The following CPOX variants were observed in gnomAD, a reference collection of about 807,000 sequenced individuals.
The protein encoded by CPOX is coproporphyrinogen oxidase, also known as oxygen-dependent coproporphyrinogen-III oxidase, mitochondrial.
In CPOX, 24 loss-of-function variants were observed where a neutral mutation model predicts 48.9. The observed-to-expected ratio is 0.49, with a 90% CI of 0.36 to 0.69. The LOEUF is 0.69. Ranked by LOEUF, CPOX falls within the 30% of genes least tolerant of loss-of-function variation. The pLI, the probability that CPOX is intolerant of heterozygous loss-of-function variation, is 0.00. For missense variants in CPOX, 549 were observed against 597.3 expected, an observed-to-expected ratio of 0.92 and a Z score of 0.84; for synonymous variants, 249 against 234.6, an observed-to-expected ratio of 1.06 and a Z score of -0.56.
intron 1 of CPOX, among the ~76,000 whole-genome samples, 198 bp downstream of exon 1, chr3:98,592,751 G>A (rs1222577597): frequency 6.6e-6 from 1 of 151,992 alleles, no homozygotes; most frequent in African/African-American, 2.4e-5. Flanking sequence ...AGCTGATCCG[G>A]GTCCATACCT....
chr3:98,570,786 T>C, the CPOX span, among the ~76,000 whole-genome samples: 1 of 152,230 alleles, frequency 6.6e-6, no homozygotes, highest in East Asian at 1.9e-4. Flanking sequence ...TGTAGAACAC[T>C]ACTAAGAACT....
rs60690253 is a variant in CPOX, at chr3:98,593,472, G to A, written c.33C>T (p.Gly11=). MALQLGRLSS[G]PCWLVARGGC... is the part of the protein sequence containing the mutation. Reference sequence around the variant, plus strand: ...CGCCCCGCGCCACGAGCCAGCAGGGGCCCGAGCTCAGCCTGCCCAGCTGCA... The same window carrying A: ...CGCCCCGCGCCACGAGCCAGCAGGGACCCGAGCTCAGCCTGCCCAGCTGCA... The change falls in exon 1 of 7, where the codon GGC becomes GGT. Residue 11 remains glycine, a synonymous_variant. Transcript: ENST00000647941. The A allele has an allele frequency of 0.021, 31,480 of 1,513,478 alleles. 1,195 individuals are homozygous for A. The highest frequency in any genetic ancestry group is 0.16 in the African/African-American group (11,504 of 70,870). 93.8% of individuals were successfully genotyped at this position (1,513,478 alleles called of 1,614,324 possible). A position where few individuals can be genotyped will look rare whatever the true frequency, so the allele number is the denominator to read the frequency against.
chr3:98,587,494 C>T (rs1707386028), intron 4 of CPOX, among the ~76,000 whole-genome samples: 3 of 148,540 alleles, frequency 2.0e-5, no homozygotes, highest in Admixed American at 1.4e-4. Context: ...AGTGTTCTTG[C>T]CGGTGGGGTC....
Position 98,580,736 on chromosome 3 carries a change from T to C in CPOX, c.1312A>G (p.Lys438Glu), listed in dbSNP as rs769371567. The C allele has an allele frequency of 3.1e-6, 5 of 1,614,088 alleles. No individual in the cohort carries two copies. The African/African-American group carries it at 6.7e-5, about 22-fold the overall frequency. The change falls in exon 7 of 7, where the codon AAA (lysine) becomes GAA (glutamate). Residue 438 changes from lysine to glutamate, a missense_variant. Lys to Glu is a moderately conservative substitution (Grantham distance 56, BLOSUM62 1). This residue lies in a region of CPOX where 213 missense variants were observed against 279.1 expected (regional missense o/e 0.76). Transcript: ENST00000647941. Reference protein sequence around the residue: ...EYMHSPSENSKEAEILEVLRH... With the variant: ...EYMHSPSENSEEAEILEVLRH... ...AGAACTTCCAGAATTTCAGCTTCTT[T>C]GGAATTCTCTGAGGGTGAATGCATG...
In CPOX at chr3:98,585,464, C is replaced by T. The variant is rs533745033; in HGVS notation, c.1149G>A (p.Leu383=). ...CDDSFTPQEK[L]WQQLRRGRYV... is the part of the protein sequence containing the mutation. Reference sequence around the variant, plus strand: ...ACCGTCCTCTTCTGAGCTGCTGCCACAGCTTCTCCTGGGGGGTGAATGAGT... The same window carrying T: ...ACCGTCCTCTTCTGAGCTGCTGCCATAGCTTCTCCTGGGGGGTGAATGAGT... Residue 383 remains leucine (L), a synonymous_variant, in exon 5 of 7, where the codon CTG becomes CTA. Transcript: ENST00000647941. The T allele has an allele frequency of 7.6e-5, 122 of 1,614,062 alleles. 1 individual carries two copies. In the South Asian group the frequency reaches 1.2e-3, roughly 16 times the overall value.
chr3:98,590,952 C>G, intron 2 of CPOX, 60 bp downstream of exon 2: 1 of 1,588,558 alleles, frequency 6.3e-7, no homozygotes, highest in Non-Finnish European at 8.6e-7. Context: ...ATAAATAAAA[C>G]TTGTGGGCAA....
rs2107110640 is a variant in CPOX, at chr3:98,579,507, T to C, written c.*1176A>G. On this transcript the variant is annotated 3_prime_UTR_variant, in exon 7 of 7. Transcript: ENST00000647941. ...TCTTGTAAGACAGTTGAAGAATTCA[T>C]ACATTTTCCAGCCCCAAAAAGGCCA... 3.1e-6 allele frequency: 3 copies of C among 975,934 alleles called. No individual in the cohort carries two copies. Among genetic ancestry groups the C allele is most frequent in the Non-Finnish European group, 3.7e-6 (3 of 821,306 alleles). The allele number at this position is 975,934 out of a possible 1,614,324, so 60.5% of individuals were successfully genotyped here. A position where few individuals can be genotyped will look rare whatever the true frequency, so the allele number is the denominator to read the frequency against.
chr3:98,582,609 A>G (rs1001753076), intron 5 of CPOX, among the ~76,000 whole-genome samples: 2 of 151,482 alleles, frequency 1.3e-5, no homozygotes, highest in African/African-American at 4.9e-5. Context: ...TTCCTGCCTC[A>G]GTCTCCCGAG....
intron 5 of CPOX, among the ~76,000 whole-genome samples, chr3:98,582,887 C>A (rs1446989201): frequency 6.6e-6 from 1 of 152,204 alleles, no homozygotes; most frequent in African/African-American, 2.4e-5. Flanking sequence ...CCCTTTCTAA[C>A]TCTCACCATT....
In CPOX at chr3:98,581,502, T is replaced by G; in HGVS notation, c.1182A>C (p.Glu394Asp). 6.2e-7 allele frequency: 1 copy of G among 1,612,630 alleles called. No individual in the cohort carries two copies. Among genetic ancestry groups the G allele is most frequent in the Middle Eastern group, 1.7e-4 (1 of 6,060 alleles). The change falls in exon 6 of 7, where the codon GAA becomes GAC. Residue 394 changes from glutamate to aspartate, a missense_variant. This residue lies in a region of CPOX where 213 missense variants were observed against 279.1 expected (regional missense o/e 0.76). Transcript: ENST00000647941. ...TGCCCCGATCATACAGCAGATTAAA[T>G]TCTACATACCTGCCATAAATACATC... ...WQQLRRGRYV[E>D]FNLLYDRGTK... is the part of the protein sequence containing the mutation.
chr3:98,581,295 T>A (rs1038021243), intron 6 of CPOX, 112 bp downstream of exon 6: 2 of 824,364 alleles, frequency 2.4e-6, no homozygotes, highest in African/African-American at 3.4e-5. Context: ...ATCAGCAAAG[T>A]CAAAACTAAC....
chr3:98,591,965 C>G (rs930646990), intron 1 of CPOX, among the ~76,000 whole-genome samples: 2 of 59,542 alleles, frequency 3.4e-5, no homozygotes, highest in Middle Eastern at 0.012. Flanking sequence ...TATATTCCAT[C>G]CATATATATA....
At chr3:98,587,414 A>C (rs1409398217) in intron 4 of CPOX, among the ~76,000 whole-genome samples, 1 of 151,174 alleles carries the variant, frequency 6.6e-6, no homozygotes, top group Non-Finnish European at 1.5e-5. Context: ...ATAATTTATA[A>C]ATAAAAGGAA....
At chr3:98,591,815 C>T (rs1707483233) in intron 1 of CPOX, among the ~76,000 whole-genome samples, 1 of 152,120 alleles carries the variant, frequency 6.6e-6, no homozygotes, top group Non-Finnish European at 1.5e-5. Context: ...TGATCCAGTA[C>T]AACCCTCATA....
the CPOX span, among the ~76,000 whole-genome samples, chr3:98,573,606 A>G: frequency 1.3e-5 from 2 of 151,882 alleles, no homozygotes; most frequent in South Asian, 4.1e-4. Flanking sequence ...CCCCCTGCAG[A>G]TTAGATTTTC....
downstream of CPOX, chr3:98,578,349 T>C (rs902245126): frequency 1.7e-5 from 6 of 346,866 alleles, no homozygotes; most frequent in African/African-American, 2.2e-5. Context: ...GCTAGCATTT[T>C]AGCATTATAT....
At chr3:98,590,230 C>T (rs1211075889) in intron 3 of CPOX, among the ~76,000 whole-genome samples, 2 of 152,248 alleles carry the variant, frequency 1.3e-5, no homozygotes, top group Non-Finnish European at 2.9e-5. Flanking sequence ...TCACTGCAAC[C>T]TCCGCCTCCC....
Position 98,593,352 on chromosome 3 carries a change from AG to A in CPOX, c.152del (p.Pro51LeufsTer85), listed in dbSNP as rs1269511347. On this transcript the variant is annotated frameshift_variant, in exon 1 of 7. Transcript: ENST00000647941. LOFTEE classifies it high-confidence loss of function. ...GGCTCTGCTCCGTGCCAGCCGGGCC[AG>A]GGGGCCGGCAGACGCGTCCGGCTGC... ...RSAAGRVCRP[P>X]GPAGTEQSRG... The A allele has an allele frequency of 1.5e-6, 2 of 1,341,508 alleles. No homozygotes were observed. Among genetic ancestry groups the A allele is most frequent in the Non-Finnish European group, 1.9e-6 (2 of 1,058,576 alleles). The allele number at this position is 1,341,508 out of a possible 1,614,324, so 83.1% of individuals were successfully genotyped here.
chr3:98,590,897 G>A lies in CPOX; in HGVS notation c.700+115C>T, dbSNP rs540888563. 31 of 1,302,888 alleles carry A rather than the reference G, an allele frequency of 2.4e-5. No homozygotes were observed. In the East Asian group the frequency reaches 2.8e-4, roughly 12 times the overall value. 80.7% of individuals were successfully genotyped at this position (1,302,888 alleles called of 1,614,324 possible). ...TTTAAAAAAGTATTTGTCAACGTGC[G>A]GCATATGAACCCGAATGGCTTTTTT... On this transcript the variant is annotated intron_variant, in intron 2 of 6. Coordinates refer to ENST00000647941, the MANE Select transcript of CPOX (RefSeq NM_000097.7).
Sources: allele counts gnomAD v4.1 joint callset (sites outside exome capture counted in the v4.1 genomes callset), GRCh38; gene constraint gnomAD v4.1.1; regional missense constraint gnomAD v4.1.1; transcripts MANE v1.5; gene names NCBI Gene and HGNC (gene_info 2026-07-23, HGNC 2026-07-21).